The following EPB41L4A variants were observed in gnomAD, a reference collection of about 807,000 sequenced individuals.
The protein encoded by EPB41L4A is erythrocyte membrane protein band 4.1 like 4A, also known as band 4.1-like protein 4A.
A neutral mutation model predicts 108.6 loss-of-function variants in EPB41L4A; 100 were observed. The observed-to-expected ratio is 0.92, with a 90% CI of 0.78 to 1.09. The LOEUF (loss-of-function observed/expected upper bound fraction) is 1.09, where lower values mean the gene tolerates loss of function less well. EPB41L4A is among the 50% of genes least tolerant of loss of function. EPB41L4A has a pLI of 0.00. For missense variants in EPB41L4A, 1,030 were observed against 842.7 expected (o/e 1.22, Z -2.75); for synonymous variants, 319 against 289.0 (o/e 1.10, Z -1.05).
chr5:112,158,647 T>A (rs751190988), downstream of EPB41L4A, among the ~76,000 whole-genome samples: 1 of 152,166 alleles, frequency 6.6e-6, no homozygotes, highest in Non-Finnish European at 1.5e-5. Context: ...TCAGGAAACT[T>A]ACAATCATAG....
intron 6 of EPB41L4A, among the ~76,000 whole-genome samples, chr5:112,263,188 G>T (rs752999848): frequency 6.6e-6 from 1 of 152,210 alleles, no homozygotes; most frequent in Non-Finnish European, 1.5e-5. Context: ...TGATGAGGGT[G>T]AGCATCAGCC....
At chr5:112,246,266 G>A (rs549350911) in intron 9 of EPB41L4A, among the ~76,000 whole-genome samples, 4 of 152,012 alleles carry the variant, frequency 2.6e-5, no homozygotes, top group Admixed American at 6.6e-5. Flanking sequence ...ATACAACAGC[G>A]GTTCCTTAAG....
chr5:112,194,253 C>T (rs906706177), intron 17 of EPB41L4A, among the ~76,000 whole-genome samples: 2 of 152,014 alleles, frequency 1.3e-5, no homozygotes, highest in Non-Finnish European at 1.5e-5. Context: ...AATCTATCTA[C>T]GAATGGTAAA....
intron 1 of EPB41L4A, among the ~76,000 whole-genome samples, chr5:112,361,605 C>T (rs1166811497): frequency 2.7e-5 from 4 of 149,444 alleles, no homozygotes; most frequent in African/African-American, 9.9e-5. Flanking sequence ...TGAATCTGTA[C>T]TGGTCTTTAA....
chr5:112,418,944 G>C lies in EPB41L4A; in HGVS notation c.96C>G (p.Ile32Met). ...ACGCGCTCCGGGCCGCACCCACCTT[G>C]ATGCCCTGCTGCTGGGTGGTAAGGG... ...KLTLTTQQQG[I>M]KKSTKGSVVL... The change falls in exon 1 of 23, where the codon ATC becomes ATG. Residue 32 changes from isoleucine (I) to methionine (M), a missense_variant. Physicochemically the swap from Ile to Met is conservative, Grantham distance 10 (BLOSUM62 1). Coordinates refer to ENST00000261486, the MANE Select transcript of EPB41L4A (RefSeq NM_022140.5). The C allele has an allele frequency of 6.2e-7, 1 of 1,612,492 alleles. No homozygotes were observed.
At chr5:112,253,517 C>G (rs1029042001) in intron 9 of EPB41L4A, among the ~76,000 whole-genome samples, 1 of 152,064 alleles carries the variant, frequency 6.6e-6, no homozygotes, top group Non-Finnish European at 1.5e-5. Flanking sequence ...ATTGGGTTAA[C>G]CAACAAAATT....
chr5:112,213,593 C>A (rs545548968), intron 12 of EPB41L4A, among the ~76,000 whole-genome samples: 3 of 152,088 alleles, frequency 2.0e-5, no homozygotes, highest in Non-Finnish European at 4.4e-5. Context: ...AGGTTATCTG[C>A]CCGCATCACC....
intron 18 of EPB41L4A, among the ~76,000 whole-genome samples, chr5:112,179,021 T>C (rs74818838): frequency 0.033 from 4,993 of 152,000 alleles, 312 homozygotes; most frequent in African/African-American, 0.11. Flanking sequence ...GGAATTAAAG[T>C]GGTGATATCA....
At chr5:112,195,837 C>T (rs147096157) in intron 15 of EPB41L4A, 129 bp from the exon 16 acceptor site, 21 of 772,084 alleles carry the variant, frequency 2.7e-5, no homozygotes, top group East Asian at 2.4e-4. Context: ...CAAACATTTA[C>T]GTCATATGTA....
chr5:112,283,025 C>T (rs1352918776), intron 2 of EPB41L4A, among the ~76,000 whole-genome samples: 2 of 152,054 alleles, frequency 1.3e-5, no homozygotes, highest in African/African-American at 4.8e-5. Flanking sequence ...ACTGGTTAAT[C>T]TATCAAAAAT....
downstream of EPB41L4A, among the ~76,000 whole-genome samples, chr5:112,158,987 C>T (rs1759747242): frequency 6.6e-6 from 1 of 152,228 alleles, no homozygotes; most frequent in Admixed American, 6.5e-5. Context: ...TACTGCCTTC[C>T]TTCTGCAAAC....
chr5:112,308,889 A>T (rs915496801), intron 1 of EPB41L4A, among the ~76,000 whole-genome samples: 1 of 152,186 alleles, frequency 6.6e-6, no homozygotes, highest in African/African-American at 2.4e-5. Flanking sequence ...AATCTGATTG[A>T]GCAAAAAAAG....
At chr5:112,297,637 T>C (rs1754083041) in intron 2 of EPB41L4A, among the ~76,000 whole-genome samples, 1 of 152,232 alleles carries the variant, frequency 6.6e-6, no homozygotes, top group Non-Finnish European at 1.5e-5. Flanking sequence ...TTTAGTTTAA[T>C]TAAGTCTCAC....
intron 1 of EPB41L4A, among the ~76,000 whole-genome samples, chr5:112,402,660 G>A (rs1050471625): frequency 6.6e-6 from 1 of 152,022 alleles, no homozygotes; most frequent in Non-Finnish European, 1.5e-5. Context: ...CCTCCCCTGG[G>A]GAGAAAAAAA....
At chr5:112,246,868 T>C (rs1248532164) in intron 9 of EPB41L4A, among the ~76,000 whole-genome samples, 2 of 152,204 alleles carry the variant, frequency 1.3e-5, no homozygotes, top group African/African-American at 4.8e-5. Context: ...AACAGTGTGC[T>C]TCTCAACTCC....
intron 22 of EPB41L4A, among the ~76,000 whole-genome samples, chr5:112,167,921 G>C (rs10070995): frequency 0.74 from 113,079 of 152,188 alleles, 43,115 homozygotes; most frequent in East Asian, 1. Flanking sequence ...CATGTGCTTA[G>C]ATGCATTTTT....
At chr5:112,262,634 A>G in intron 6 of EPB41L4A, 53 bp from the exon 7 acceptor site, 11 of 1,385,622 alleles carry the variant, frequency 7.9e-6, no homozygotes, top group Non-Finnish European at 1.1e-5. Flanking sequence ...TACTGCACTT[A>G]CAGGGATGCA....
chr5:112,256,458 A>G (rs1332522792), intron 9 of EPB41L4A, among the ~76,000 whole-genome samples: 1 of 152,182 alleles, frequency 6.6e-6, no homozygotes, highest in Non-Finnish European at 1.5e-5. Context: ...GAATCAAATT[A>G]AGAACTCAGC....
intron 4 of EPB41L4A, among the ~76,000 whole-genome samples, chr5:112,268,035 T>C (rs958399151): frequency 3.3e-5 from 5 of 152,148 alleles, no homozygotes; most frequent in Non-Finnish European, 7.3e-5. Flanking sequence ...GTGCTCCTCT[T>C]GGAAAGGAGA....
Sources: allele counts gnomAD v4.1 joint callset (sites outside exome capture counted in the v4.1 genomes callset), GRCh38; gene constraint gnomAD v4.1.1; transcripts MANE v1.5; gene names NCBI Gene and HGNC (gene_info 2026-07-23, HGNC 2026-07-21).